The following GALNT18 variants were observed in gnomAD, a reference collection of about 807,000 sequenced individuals.
The protein encoded by GALNT18 is GalNAc-transferase 18.
Under a neutral mutation model 69.5 loss-of-function variants are expected in GALNT18, and 44 were observed. That is an observed-to-expected ratio of 0.63 (90% CI 0.50 to 0.81). GALNT18 has a LOEUF of 0.81. Ranked by LOEUF, GALNT18 falls within the 40% of genes least tolerant of loss-of-function variation. GALNT18 has a pLI of 0.00. For missense variants in GALNT18, 715 were observed against 810.0 expected (o/e 0.88, Z 1.42); for synonymous variants, 364 against 318.2 (o/e 1.14, Z -1.53).
chr11:11,501,525 C>T (rs888925848), intron 1 of GALNT18, among the ~76,000 whole-genome samples: 11 of 152,146 alleles, frequency 7.2e-5, no homozygotes, highest in South Asian at 6.2e-4. Flanking sequence ...CTTTCGTGAG[C>T]AAACTATTCC....
chr11:11,615,101 G>C (rs555709988), intron 1 of GALNT18, among the ~76,000 whole-genome samples: 11 of 152,296 alleles, frequency 7.2e-5, no homozygotes, highest in African/African-American at 2.6e-4. Flanking sequence ...AGGACAAATA[G>C]CTTTACTATT....
rs146849419 is a variant in GALNT18 at position 11,340,069 on chromosome 11, G to T, written c.1278+750C>A. Among the ~76,000 whole-genome samples the T allele has an allele frequency of 6.8e-3, 992 of 145,624 alleles. 8 individuals carry two copies. The highest frequency in any genetic ancestry group is 0.023 in the African/African-American group (893 of 39,528). On this transcript the variant is annotated intron_variant, in intron 7 of 10. Transcript: ENST00000227756. This position sits in a 1 kb window ranked among gnomAD's most constrained non-coding sequence, Gnocchi z 4.2. ...CAATGAACTCTAGGCAGACAGGCTG[G>T]TAAGTGGGTTGGAATCATGTGGCTG...
intron 3 of GALNT18, among the ~76,000 whole-genome samples, chr11:11,394,197 A>G (rs1854266433): frequency 6.6e-6 from 1 of 152,212 alleles, no homozygotes; most frequent in African/African-American, 2.4e-5. Flanking sequence ...TGTTATTTGC[A>G]TTTGTCTCAA....
intron 1 of GALNT18, among the ~76,000 whole-genome samples, chr11:11,532,841 A>G (rs930084064): frequency 2.0e-5 from 3 of 152,256 alleles, no homozygotes; most frequent in African/African-American, 7.2e-5. Context: ...CTCTCTTGGC[A>G]AGGCCAGGGC....
intron 3 of GALNT18, among the ~76,000 whole-genome samples, chr11:11,400,470 CCTGT>C (rs1179849648): frequency 2.0e-5 from 3 of 152,110 alleles, no homozygotes; most frequent in South Asian, 4.2e-4. Flanking sequence ...GAATGTATGC[CCTGT>C]CTAACGAAGG....
intron 9 of GALNT18, among the ~76,000 whole-genome samples, chr11:11,295,486 T>G (rs7113217): frequency 0.92 from 139,876 of 152,122 alleles, 65,103 homozygotes; most frequent in Non-Finnish European, 0.99. Context: ...AGGAGGGCTT[T>G]GGGGTCATGG....
chr11:11,308,914 C>A (rs1361371880), intron 9 of GALNT18, among the ~76,000 whole-genome samples: 1 of 151,976 alleles, frequency 6.6e-6, no homozygotes, highest in South Asian at 2.1e-4. Context: ...TAGACCCCAG[C>A]TCTTAGTGCC....
At chr11:11,527,199 A>G (rs1050262198) in intron 1 of GALNT18, among the ~76,000 whole-genome samples, 2 of 152,078 alleles carry the variant, frequency 1.3e-5, no homozygotes, top group East Asian at 1.9e-4. Context: ...ACTCTGCACT[A>G]AGGATGGAGA....
rs370150481 is a variant in GALNT18 at position 11,542,199 on chromosome 11, G to A, written c.235+79160C>T. On this transcript the variant is annotated intron_variant, in intron 1 of 10. Transcript: ENST00000227756. This position sits in a 1 kb window ranked among gnomAD's most constrained non-coding sequence, Gnocchi z 4.3. ...GACTTTGCCCAAAGGCTGTGGCTGC[G>A]TCTTAGAAAGCAAAGCAAAACAAAA... Among the ~76,000 whole-genome samples the A allele has an allele frequency of 1.9e-3, 289 of 152,248 alleles. 2 individuals are homozygous for A. The South Asian group carries it at 0.032, about 17-fold the overall frequency.
chr11:11,289,020 T>A (rs1217834598), intron 10 of GALNT18, among the ~76,000 whole-genome samples: 1 of 152,160 alleles, frequency 6.6e-6, no homozygotes, highest in Non-Finnish European at 1.5e-5. Flanking sequence ...TCAGCCCAAC[T>A]TGAGTACCAG....
At chr11:11,460,424 C>G (rs761188382) in intron 1 of GALNT18, among the ~76,000 whole-genome samples, 3 of 152,180 alleles carry the variant, frequency 2.0e-5, no homozygotes, top group Non-Finnish European at 1.5e-5. Context: ...CTCTGTCCAC[C>G]CCAACACTCA....
At chr11:11,471,031 A>T (rs569552937) in intron 1 of GALNT18, among the ~76,000 whole-genome samples, 4 of 152,054 alleles carry the variant, frequency 2.6e-5, no homozygotes, top group Non-Finnish European at 5.9e-5. Flanking sequence ...TTTCCTCAGG[A>T]CCATTTTCTT....
chr11:11,478,839 C>T (rs368564121), intron 1 of GALNT18, among the ~76,000 whole-genome samples: 1 of 139,574 alleles, frequency 7.2e-6, no homozygotes, highest in African/African-American at 2.7e-5. Flanking sequence ...ACAGGAGGCA[C>T]TGAAGAGAGA....
In GALNT18 at chr11:11,432,859, T is replaced by G. The variant is rs570688278; in HGVS notation, c.429-72A>C. The G allele has an allele frequency of 1.2e-5, 18 of 1,505,674 alleles. No individual in the cohort carries two copies. In the East Asian group the frequency reaches 3.9e-4, roughly 33 times the overall value. The allele number at this position is 1,505,674 out of a possible 1,614,324, so 93.3% of individuals were successfully genotyped here. A position where few individuals can be genotyped will look rare whatever the true frequency, so the allele number is the denominator to read the frequency against. On this transcript the variant is annotated intron_variant, in intron 2 of 10. Transcript: ENST00000227756. This position sits in a 1 kb window ranked among gnomAD's most constrained non-coding sequence, Gnocchi z 5.8. ...ATCTCAGGAGCTGACCCAGCCCATG[T>G]CCTGGCTCCAGCTTTGCTGGAGGGC...
In GALNT18 at chr11:11,318,683, G is replaced by A. The variant is rs1197394772; in HGVS notation, c.1512+8403C>T. On this transcript the variant is annotated intron_variant, in intron 9 of 10. Transcript: ENST00000227756. The surrounding 1 kb of genome is among the most constrained non-coding windows in gnomAD (Gnocchi z 5.1). The stretch of plus-strand genomic sequence containing the variant: ...CAGGCTGTGACCCATAAGAGTCACT[G>A]AGTCACTAGTGGCCTGGAGTGTCCC... Among the ~76,000 whole-genome samples, 4 of 152,222 alleles carry A rather than the reference G, an allele frequency of 2.6e-5. No individual in the cohort carries two copies. The highest frequency in any genetic ancestry group is 6.5e-5 in the Admixed American group (1 of 15,276).
chr11:11,302,200 A>ACAT (rs1433521565), intron 9 of GALNT18, among the ~76,000 whole-genome samples: 1 of 152,170 alleles, frequency 6.6e-6, no homozygotes, highest in African/African-American at 2.4e-5. Flanking sequence ...ACTTGTTAGC[A>ACAT]CATCTGAGGG....
intron 1 of GALNT18, among the ~76,000 whole-genome samples, chr11:11,561,098 C>A (rs917320848): frequency 1.3e-5 from 2 of 152,178 alleles, no homozygotes; most frequent in Non-Finnish European, 2.9e-5. Flanking sequence ...ATACCATTTG[C>A]CTTTTCTTAT....
intron 6 of GALNT18, among the ~76,000 whole-genome samples, chr11:11,366,329 T>A (rs376491525): frequency 2.0e-5 from 3 of 152,216 alleles, no homozygotes; most frequent in African/African-American, 7.2e-5. Flanking sequence ...TATAAATTAA[T>A]GTGTGCCTTA....
rs1857953963 is a variant in GALNT18, at chr11:11,542,607, G to A, written c.235+78752C>T. 6.6e-6 allele frequency among the ~76,000 whole-genome samples: 1 copy of A among 152,254 alleles called. No homozygotes were observed. The highest frequency in any genetic ancestry group is 2.4e-5 in the African/African-American group (1 of 41,472). ...CTAGGTGTCAAAAAGAGAATGTAGA[G>A]TAAAGAGGTCAAGAACATTGATTCT... On this transcript the variant is annotated intron_variant, in intron 1 of 10. Coordinates refer to ENST00000227756, the MANE Select transcript of GALNT18 (RefSeq NM_198516.3). This position sits in a 1 kb window ranked among gnomAD's most constrained non-coding sequence, Gnocchi z 4.3.
Sources: gnomAD v4.1 joint callset for allele counts (sites outside exome capture counted in the v4.1 genomes callset) on GRCh38, gnomAD v4.1.1 for gene constraint, Gnocchi (gnomAD v3.1) non-coding constraint, MANE v1.5 for transcripts, NCBI Gene and HGNC (gene_info 2026-07-23, HGNC 2026-07-21) for gene names.